The following ZNF287 variants were observed in gnomAD, a reference collection of about 807,000 sequenced individuals.
The protein encoded by ZNF287 is zinc finger protein with KRAB and SCAN domains 13.
A neutral mutation model predicts 73.7 loss-of-function variants in ZNF287; 31 were observed. That is an observed-to-expected ratio of 0.42 (90% confidence interval 0.32 to 0.57). The LOEUF is 0.57. Ranked by LOEUF, ZNF287 falls within the 20% of genes least tolerant of loss-of-function variation. ZNF287 has a pLI of 0.13. For synonymous variants in ZNF287, 301 were observed against 307.2 expected (o/e 0.98, Z 0.21); for missense variants, 641 against 909.3 (o/e 0.70, Z 3.79).
chr17:16,556,210 G>T (rs185812273), intron 5 of ZNF287, among the ~76,000 whole-genome samples: 26 of 144,852 alleles, frequency 1.8e-4, no homozygotes, highest in Non-Finnish European at 2.9e-5. Flanking sequence ...AGGGGAGAAG[G>T]TCCTGGTCAT....
At chr17:16,560,550 G>A (rs1433049262) in intron 5 of ZNF287, among the ~76,000 whole-genome samples, 3 of 151,070 alleles carry the variant, frequency 2.0e-5, no homozygotes, top group East Asian at 2.0e-4. Flanking sequence ...GAGTTTCACT[G>A]TGTTGGCCAG....
rs1257625784 is a variant in ZNF287, at chr17:16,563,165, A to C, written c.696T>G (p.Ile232Met). 3 of 1,613,470 alleles carry C rather than the reference A, an allele frequency of 1.9e-6. No individual in the cohort carries two copies. Among genetic ancestry groups the C allele is most frequent in the African/African-American group, 2.7e-5 (2 of 74,910 alleles). Residue 232 changes from isoleucine (I) to methionine (M), a missense_variant, in exon 5 of 6, where the codon ATT becomes ATG. Physicochemically the swap from Ile to Met is conservative, Grantham distance 10. Transcript: ENST00000395825. ...LEEPWMVIKEILEGPSPEWET... is the reference protein window; with the variant it reads ...LEEPWMVIKEMLEGPSPEWET... ...TCTCACCTGGACTAGGGCCTTCTAA[A>C]ATTTCTTTTATCACCATCCATGGTT...
chr17:16,565,539 T>G (rs1345746701), intron 3 of ZNF287, among the ~76,000 whole-genome samples: 2 of 152,096 alleles, frequency 1.3e-5, no homozygotes, highest in African/African-American at 2.4e-5. Flanking sequence ...CTTTTTCCCT[T>G]GATTTTGTTA....
At chr17:16,568,060 T>G in intron 1 of ZNF287, 131 bp from the exon 2 acceptor site, 1 of 868,542 alleles carries the variant, frequency 1.2e-6, no homozygotes, top group Non-Finnish European at 1.4e-6. Flanking sequence ...TCCTCCCCTA[T>G]ATCCTTAGAC....
At position 16,552,203 on chromosome 17, in the gene ZNF287, GT is replaced by G; in HGVS notation, c.1938del (p.Lys646AsnfsTer119). On this transcript the variant is annotated frameshift_variant, in exon 6 of 6. Transcript: ENST00000395825. LOFTEE classifies it high-confidence loss of function. The surrounding 1 kb of genome is among the most constrained non-coding windows in gnomAD (Gnocchi z 6.5). ...TQHQRIHNGE[K>X]PFKCNICGKA... ...TTCCCACATATATTGCATTTAAAGG[GT>G]TTTTCTCCATTATGAATCCTCTGAT... 1 of 1,613,966 alleles carries G rather than the reference GT, an allele frequency of 6.2e-7. No homozygotes were observed. Among genetic ancestry groups the G allele is most frequent in the Non-Finnish European group, 8.5e-7 (1 of 1,179,976 alleles).
At chr17:16,558,349 T>G (rs182599374) in intron 5 of ZNF287, 1 of 151,928 alleles carries the variant, frequency 6.6e-6, no homozygotes, top group African/African-American at 2.4e-5. Flanking sequence ...CCAGTGGGAG[T>G]GCAGTGGTGT....
At chr17:16,555,728 C>G (rs1438632320) in intron 5 of ZNF287, among the ~76,000 whole-genome samples, 1 of 152,030 alleles carries the variant, frequency 6.6e-6, no homozygotes, top group East Asian at 1.9e-4. Context: ...CCTATTATTA[C>G]GTTTCTCGTA....
At chr17:16,561,285 C>T (rs559665403) in intron 5 of ZNF287, among the ~76,000 whole-genome samples, 2 of 152,172 alleles carry the variant, frequency 1.3e-5, no homozygotes, top group African/African-American at 4.8e-5. Context: ...CTGCACTCCA[C>T]CCTGGGCGAC....
intron 5 of ZNF287, among the ~76,000 whole-genome samples, chr17:16,561,048 G>C (rs886565120): frequency 6.6e-6 from 1 of 151,274 alleles, no homozygotes; most frequent in Non-Finnish European, 1.5e-5. Context: ...GGGCACGGTG[G>C]CTCACGCCTG....
At position 16,567,376 on chromosome 17, in the gene ZNF287, TC is replaced by T; in HGVS notation, c.355del (p.Glu119LysfsTer3). Reference protein sequence around the residue: ...VKSQYPESSEEAVTLVEDLTQ... With the variant: ...VKSQYPESSEXAVTLVEDLTQ... Reference sequence around the variant, plus strand: ...CAAATCCTCCACCAGAGTCACTGCTTCCTCGCTGCTCTCTGGATACTGGGAC... The same window carrying T: ...CAAATCCTCCACCAGAGTCACTGCTTCTCGCTGCTCTCTGGATACTGGGAC... On this transcript the variant is annotated frameshift_variant, in exon 2 of 6. Coordinates refer to ENST00000395825, the MANE Select transcript of ZNF287 (RefSeq NM_020653.4). LOFTEE classifies it high-confidence loss of function. The T allele has an allele frequency of 6.2e-7, 1 of 1,614,142 alleles. No homozygotes were observed. The highest frequency in any genetic ancestry group is 8.5e-7 in the Non-Finnish European group (1 of 1,180,010).
chr17:16,562,635 A>G (rs1276738454), intron 5 of ZNF287, among the ~76,000 whole-genome samples: 2 of 151,998 alleles, frequency 1.3e-5, no homozygotes, highest in African/African-American at 4.8e-5. Flanking sequence ...ATATATTTAT[A>G]TATTTTTTTT....
In ZNF287 at chr17:16,552,774, G is replaced by A; in HGVS notation, c.1368C>T (p.Asp456=). 1 of 1,613,648 alleles carries A rather than the reference G, an allele frequency of 6.2e-7. No homozygotes were observed. The highest frequency in any genetic ancestry group is 8.5e-7 in the Non-Finnish European group (1 of 1,179,870). Residue 456 remains aspartate, a synonymous_variant, in exon 6 of 6, where the codon GAC becomes GAT. Transcript: ENST00000395825. This position sits in a 1 kb window ranked among gnomAD's most constrained non-coding sequence, Gnocchi z 6.5. The part of the protein sequence containing the change: ...HTGEKPYKCD[D]CGKDFSQRAH... ...CACGCTGACTGAAGTCTTTCCCACAGTCATCACACTTATAGGGTTTCTCTC... is the reference window on the plus strand; with the variant it reads ...CACGCTGACTGAAGTCTTTCCCACAATCATCACACTTATAGGGTTTCTCTC...
rs1906542728 is a variant in ZNF287 at position 16,550,029 on chromosome 17, G to C, written c.*1827C>G. On this transcript the variant is annotated 3_prime_UTR_variant, in exon 6 of 6. Transcript: ENST00000395825. The stretch of plus-strand genomic sequence containing the variant: ...ATTATGCAAGGGACTGGAGAAACAA[G>C]TAAGAGCACAATGAAATCTCAGTTC... Among the ~76,000 whole-genome samples, 4 of 152,176 alleles carry C rather than the reference G, an allele frequency of 2.6e-5. No individual in the cohort carries two copies. In the South Asian group the frequency reaches 6.2e-4, roughly 24 times the overall value.
At position 16,550,748 on chromosome 17, in the gene ZNF287, G is replaced by A. The variant is rs550823501; in HGVS notation, c.*1108C>T. Among the ~76,000 whole-genome samples the A allele has an allele frequency of 4.6e-5, 7 of 152,114 alleles. No individual in the cohort carries two copies. The highest frequency in any genetic ancestry group is 7.4e-5 in the Non-Finnish European group (5 of 68,004). ...TGAGCATAGTAGACACTCAAGAAAC[G>A]TGTTTCAGTGGAAGAAATGAACTTT... On this transcript the variant is annotated 3_prime_UTR_variant, in exon 6 of 6. Coordinates refer to ENST00000395825, the MANE Select transcript of ZNF287 (RefSeq NM_020653.4).
At chr17:16,561,080 C>T (rs1016246605) in intron 5 of ZNF287, among the ~76,000 whole-genome samples, 1 of 151,964 alleles carries the variant, frequency 6.6e-6, no homozygotes, top group Non-Finnish European at 1.5e-5. Flanking sequence ...CTTTGGGAGG[C>T]CAAGGCGGGT....
In ZNF287 at chr17:16,552,678, G is replaced by C. The variant is rs764252585; in HGVS notation, c.1464C>G (p.Thr488=). 5 of 1,613,740 alleles carry C rather than the reference G, an allele frequency of 3.1e-6. No individual in the cohort carries two copies. The highest frequency in any genetic ancestry group is 4.2e-6 in the Non-Finnish European group (5 of 1,179,926). ...KPYKCLECGK[T]FSHSSSLINH... is the part of the protein sequence containing the mutation. ...TAATCAGTGATGAACTATGACTGAA[G>C]GTTTTACCACATTCCAAGCATTTAT... Residue 488 remains threonine (T), a synonymous_variant, in exon 6 of 6, where the codon ACC becomes ACG. Coordinates refer to ENST00000395825, the MANE Select transcript of ZNF287 (RefSeq NM_020653.4). The surrounding 1 kb of genome is among the most constrained non-coding windows in gnomAD (Gnocchi z 6.5).
At position 16,569,181 on chromosome 17, in the gene ZNF287, C is replaced by A. The variant is rs1313287060; in HGVS notation, c.-428G>T. The A allele has an allele frequency of 6.6e-6, 1 of 152,528 alleles. No homozygotes were observed. The highest frequency in any genetic ancestry group is 2.4e-5 in the African/African-American group (1 of 41,590). The allele number at this position is 152,528 out of a possible 1,614,324, so 9.4% of individuals were successfully genotyped here. A position where few individuals can be genotyped will look rare whatever the true frequency, so the allele number is the denominator to read the frequency against. On this transcript the variant is annotated 5_prime_UTR_variant, in exon 1 of 6. Transcript: ENST00000395825. ...CAGAAACCCCGGCGCCTCTGCTTAGCCGCGACCTCGCCTCGGCGTCACTGC... is the reference window on the plus strand; with the variant it reads ...CAGAAACCCCGGCGCCTCTGCTTAGACGCGACCTCGCCTCGGCGTCACTGC...
chr17:16,551,863 C>T lies in ZNF287; in HGVS notation c.2279G>A (p.Arg760His), dbSNP rs201831800. 7.3e-5 allele frequency: 114 copies of T among 1,572,306 alleles called. 1 individual carries two copies. The highest frequency in any genetic ancestry group is 8.5e-5 in the Non-Finnish European group (99 of 1,159,452). Residue 760 changes from arginine (R) to histidine (H), a missense_variant, in exon 6 of 6, where the codon CGT (arginine) becomes CAT (histidine). By Grantham distance (29) the Arg-to-His change is conservative. Coordinates refer to ENST00000395825, the MANE Select transcript of ZNF287 (RefSeq NM_020653.4). ...TGAAGTTTCCCTTATCCATTAATTA[C>T]GATGTTTGGCACCTGTATGAACACG... ...HQRVHTGAKH[R>H]N
At position 16,567,723 on chromosome 17, in the gene ZNF287, G is replaced by C; in HGVS notation, c.9C>G (p.Ala3=). 1 of 1,608,496 alleles carries C rather than the reference G, an allele frequency of 6.2e-7. No individual in the cohort carries two copies. Among genetic ancestry groups the C allele is most frequent in the Non-Finnish European group, 8.5e-7 (1 of 1,176,716 alleles). Residue 3 remains alanine, a synonymous_variant, in exon 2 of 6, where the codon GCC becomes GCG. Coordinates refer to ENST00000395825, the MANE Select transcript of ZNF287 (RefSeq NM_020653.4). ML[A]SSKRMNSSSR... ...AAGAACTGTTCATCCTCTTGCTTGA[G>C]GCTAACATTGCTACAGACAGGAGAG...
Sources: allele counts gnomAD v4.1 joint callset (sites outside exome capture counted in the v4.1 genomes callset), GRCh38; gene constraint gnomAD v4.1.1; non-coding constraint Gnocchi (gnomAD v3.1); transcripts MANE v1.5; gene names NCBI Gene and HGNC (gene_info 2026-07-23, HGNC 2026-07-21).